Variants in NFIB observed in about 807,000 individuals in gnomAD.
The protein encoded by NFIB is nuclear factor 1 B-type.
A neutral mutation model predicts 61.5 loss-of-function variants in NFIB; 11 were observed. The observed-to-expected ratio is 0.18, with a 90% CI of 0.11 to 0.30. The LOEUF (loss-of-function observed/expected upper bound fraction) is 0.30. Ranked by LOEUF, NFIB falls within the 10% of genes least tolerant of loss-of-function variation. The pLI is 1.00. For missense variants in NFIB, 471 were observed against 608.9 expected (o/e 0.77, Z 2.38); for synonymous variants, 260 against 216.5 (o/e 1.20, Z -1.76).
intron 2 of NFIB, among the ~76,000 whole-genome samples, chr9:14,235,226 A>T (rs1008325897): frequency 6.6e-6 from 1 of 152,180 alleles, no homozygotes; most frequent in Non-Finnish European, 1.5e-5. Context: ...AGGCTTAAAA[A>T]TTTTTTGATA....
intron 3 of NFIB, among the ~76,000 whole-genome samples, chr9:14,164,639 C>G (rs2044576559): frequency 6.6e-6 from 1 of 152,120 alleles, no homozygotes; most frequent in Admixed American, 6.5e-5. Flanking sequence ...GAGAATAATA[C>G]ATACAACTTA....
At chr9:14,346,271 G>A (rs954158985) in intron 1 of NFIB, among the ~76,000 whole-genome samples, 3 of 144,636 alleles carry the variant, frequency 2.1e-5, no homozygotes, top group African/African-American at 7.5e-5. Flanking sequence ...CATATCCGCA[G>A]TCACACGAGG....
chr9:14,345,010 A>G (rs2061002160), intron 1 of NFIB, among the ~76,000 whole-genome samples: 1 of 152,114 alleles, frequency 6.6e-6, no homozygotes, highest in Non-Finnish European at 1.5e-5. Context: ...CCTTCCCAGC[A>G]TCCATCCTAG....
chr9:14,138,025 G>A (rs2041265230), intron 6 of NFIB, among the ~76,000 whole-genome samples: 1 of 152,012 alleles, frequency 6.6e-6, no homozygotes, highest in South Asian at 2.1e-4. Flanking sequence ...ACTTATTTGG[G>A]ATACAGTATT....
intron 10 of NFIB, among the ~76,000 whole-genome samples, chr9:14,110,916 T>A (rs1341058826): frequency 6.6e-6 from 1 of 152,210 alleles, no homozygotes; most frequent in Non-Finnish European, 1.5e-5. Context: ...CACTAACTCT[T>A]TCATTACATA....
the NFIB span, among the ~76,000 whole-genome samples, chr9:14,453,236 G>A: frequency 2.6e-5 from 4 of 152,314 alleles, no homozygotes; most frequent in African/African-American, 9.6e-5. Flanking sequence ...GATCCAGTGT[G>A]TGTAATGTAT....
the NFIB span, among the ~76,000 whole-genome samples, chr9:14,471,147 C>T: frequency 6.6e-6 from 1 of 152,200 alleles, no homozygotes; most frequent in Non-Finnish European, 1.5e-5. Flanking sequence ...GAAATATAAA[C>T]TTCTATAATC....
the NFIB span, among the ~76,000 whole-genome samples, chr9:14,411,145 T>A: frequency 6.6e-6 from 1 of 152,194 alleles, no homozygotes; most frequent in African/African-American, 2.4e-5. Flanking sequence ...CATTTAGAAA[T>A]CTTCTAAGAA....
At chr9:14,243,732 G>C (rs1011766998) in intron 2 of NFIB, among the ~76,000 whole-genome samples, 1 of 151,814 alleles carries the variant, frequency 6.6e-6, no homozygotes, top group African/African-American at 2.4e-5. Context: ...TCCCAACCTC[G>C]TCTCAGATAG....
chr9:14,196,481 T>A (rs567584387), intron 2 of NFIB, among the ~76,000 whole-genome samples: 144 of 152,010 alleles, frequency 9.5e-4, no homozygotes, highest in Non-Finnish European at 1.9e-3. Context: ...TGCCACCCCC[T>A]ACTCTCCCCA....
chr9:14,113,790 A>G (rs2037730189), intron 9 of NFIB, among the ~76,000 whole-genome samples: 1 of 152,210 alleles, frequency 6.6e-6, no homozygotes, highest in Admixed American at 6.5e-5. Context: ...GTTGGCCACT[A>G]GGTAGTAAGT....
At chr9:14,438,888 G>T in the NFIB span, among the ~76,000 whole-genome samples, 3 of 152,196 alleles carry the variant, frequency 2.0e-5, no homozygotes, top group African/African-American at 4.8e-5. Flanking sequence ...AGAGGGACAT[G>T]GGGTGGAGAG....
intron 1 of NFIB, among the ~76,000 whole-genome samples, chr9:14,338,251 G>A (rs1306551248): frequency 3.9e-5 from 6 of 152,066 alleles, no homozygotes; most frequent in South Asian, 2.1e-4. Flanking sequence ...AAAATTAGCC[G>A]GGCATGGTGG....
At chr9:14,300,300 C>G (rs895169640) in intron 2 of NFIB, 1 of 398,128 alleles carries the variant, frequency 2.5e-6, no homozygotes, top group South Asian at 1.3e-4. Context: ...ACCACTAGTC[C>G]TTGAGATTTC....
intron 1 of NFIB, among the ~76,000 whole-genome samples, chr9:14,366,282 C>T (rs1479027242): frequency 3.3e-5 from 5 of 152,128 alleles, no homozygotes; most frequent in South Asian, 2.1e-4. Context: ...CTTTTAACCT[C>T]GCGTCTGTGA....
At chr9:14,522,759 T>C in the NFIB span, among the ~76,000 whole-genome samples, 2 of 152,234 alleles carry the variant, frequency 1.3e-5, no homozygotes, top group African/African-American at 4.8e-5. Context: ...GTTTATTTCC[T>C]TCCGCATAAT....
chr9:14,275,313 CTTT>C (rs1395953104), intron 2 of NFIB, among the ~76,000 whole-genome samples: 2 of 152,168 alleles, frequency 1.3e-5, no homozygotes, highest in South Asian at 2.1e-4. Context: ...TCAACTTCTT[CTTT>C]ATCAGCCAAC....
chr9:14,157,357 T>C (rs953565512), intron 3 of NFIB, among the ~76,000 whole-genome samples: 2 of 152,170 alleles, frequency 1.3e-5, no homozygotes, highest in African/African-American at 2.4e-5. Context: ...TTAGCATATG[T>C]GTTTCACTGC....
At chr9:14,097,875 C>CTTTTTTTTTTTTTTTTTTTTTTT (rs71321962) in intron 10 of NFIB, among the ~76,000 whole-genome samples, 22 of 110,838 alleles carry the variant, frequency 2.0e-4, no homozygotes, top group South Asian at 3.5e-4. Context: ...TTTCTTTTTT[C>CTTTTTTTTTTTTTTTTTTTTTTT]TTTTTTTTTT....
Sources: gnomAD v4.1 joint callset for allele counts (sites outside exome capture counted in the v4.1 genomes callset) on GRCh38, gnomAD v4.1.1 for gene constraint, MANE v1.5 for transcripts, NCBI Gene and HGNC (gene_info 2026-07-23, HGNC 2026-07-21) for gene names.